The following EYS variants were observed in gnomAD, a reference collection of about 807,000 sequenced individuals.
EYS encodes the protein protein eyes shut homolog.
In EYS, 250 loss-of-function variants were observed where a neutral mutation model predicts 282.1. That is an observed-to-expected ratio of 0.89 (90% confidence interval 0.80 to 0.98). EYS has a LOEUF of 0.98. Ranked by LOEUF, EYS falls within the 50% of genes least tolerant of loss-of-function variation. EYS has a pLI of 0.00. For synonymous variants in EYS, 1,355 were observed against 1,282.9 expected (o/e 1.06, Z -1.20); for missense variants, 4,016 against 3,709.0 (o/e 1.08, Z -2.15).
chr6:64,612,643 C>T (rs615236), intron 24 of EYS, among the ~76,000 whole-genome samples: 7,323 of 152,038 alleles, frequency 0.048, 559 homozygotes, highest in African/African-American at 0.17. Flanking sequence ...CCTGAGAGTT[C>T]AGACTTTTAA....
intron 30 of EYS, among the ~76,000 whole-genome samples, chr6:64,235,161 C>T (rs1266996544): frequency 1.3e-5 from 2 of 151,160 alleles, no homozygotes; most frequent in Admixed American, 1.3e-4. Context: ...CATATGTATA[C>T]ATGTGCCATG....
intron 2 of EYS, among the ~76,000 whole-genome samples, chr6:65,535,374 G>A (rs543582581): frequency 6.6e-6 from 1 of 152,132 alleles, no homozygotes; most frequent in African/African-American, 2.4e-5. Context: ...TTCCGGTGCT[G>A]TTCTCATGGT....
chr6:64,651,363 T>G (rs1768553538), intron 22 of EYS, among the ~76,000 whole-genome samples: 1 of 152,208 alleles, frequency 6.6e-6, no homozygotes. Context: ...AAAAATTATG[T>G]TTGTTTTTGT....
intron 22 of EYS, among the ~76,000 whole-genome samples, chr6:64,696,624 A>G (rs1172537351): frequency 2.6e-5 from 4 of 152,186 alleles, no homozygotes; most frequent in Admixed American, 6.5e-5. Flanking sequence ...CTCATTGCCT[A>G]CAAAAGAAAC....
At chr6:63,827,204 T>G (rs1771492997) in intron 36 of EYS, among the ~76,000 whole-genome samples, 1 of 152,214 alleles carries the variant, frequency 6.6e-6, no homozygotes, top group Non-Finnish European at 1.5e-5. Flanking sequence ...ATAAAAGGCC[T>G]TGTCCAACAG....
At chr6:65,412,851 T>G (rs1361044473) in intron 5 of EYS, among the ~76,000 whole-genome samples, 1 of 152,198 alleles carries the variant, frequency 6.6e-6, no homozygotes, top group Non-Finnish European at 1.5e-5. Flanking sequence ...ATTTAGTTTT[T>G]CTTTTATGAG....
intron 15 of EYS, among the ~76,000 whole-genome samples, chr6:64,920,435 G>A (rs896882619): frequency 2.0e-5 from 3 of 152,106 alleles, no homozygotes; most frequent in Non-Finnish European, 4.4e-5. Context: ...TTAATGGTGT[G>A]TGTGTGTAAG....
At chr6:64,136,794 AACAG>A (rs1774175030) in intron 31 of EYS, among the ~76,000 whole-genome samples, 1 of 152,060 alleles carries the variant, frequency 6.6e-6, no homozygotes, top group Non-Finnish European at 1.5e-5. Flanking sequence ...ATTTCTAGAG[AACAG>A]ACAGAGTAGA....
intron 26 of EYS, among the ~76,000 whole-genome samples, chr6:64,535,944 T>G (rs1233368814): frequency 6.6e-6 from 1 of 152,118 alleles, no homozygotes; most frequent in Non-Finnish European, 1.5e-5. Flanking sequence ...CTTGCATTAT[T>G]ATATTAATCA....
intron 26 of EYS, among the ~76,000 whole-genome samples, chr6:64,525,880 G>A (rs1253181637): frequency 2.0e-5 from 3 of 151,544 alleles, no homozygotes; most frequent in Non-Finnish European, 3.0e-5. Flanking sequence ...TTCAAACCCA[G>A]AGAAATGAAA....
In EYS at chr6:64,123,142, C is replaced by A. The variant is rs565012806; in HGVS notation, c.6425-41140G>T. On this transcript the variant is annotated intron_variant, in intron 31 of 42. Transcript: ENST00000503581. ...GCTCTGATGCAAACCAGCATCGTTT[C>A]TTGCCAAGATTTTTGTTTGTTATCC... Among the ~76,000 whole-genome samples, 4 of 152,272 alleles carry A rather than the reference C, an allele frequency of 2.6e-5. No individual in the cohort carries two copies. The East Asian group carries it at 7.7e-4, about 29-fold the overall frequency.
chr6:64,105,124 T>A (rs1772964677), intron 31 of EYS, among the ~76,000 whole-genome samples: 1 of 151,544 alleles, frequency 6.6e-6, no homozygotes, highest in South Asian at 2.1e-4. Flanking sequence ...AAATTCAAAG[T>A]GTGAGGAAGC....
At chr6:64,919,554 A>G (rs1768273855) in intron 15 of EYS, among the ~76,000 whole-genome samples, 1 of 151,658 alleles carries the variant, frequency 6.6e-6, no homozygotes, top group Non-Finnish European at 1.5e-5. Context: ...TATTTTTTCA[A>G]AAAAATAAAT....
At chr6:64,725,728 C>T (rs564508459) in intron 22 of EYS, among the ~76,000 whole-genome samples, 1 of 151,884 alleles carries the variant, frequency 6.6e-6, no homozygotes, top group African/African-American at 2.4e-5. Flanking sequence ...ATCATTGATT[C>T]TACTTCATCC....
At chr6:63,832,721 C>T (rs568371866) in intron 36 of EYS, among the ~76,000 whole-genome samples, 2 of 152,242 alleles carry the variant, frequency 1.3e-5, no homozygotes, top group East Asian at 1.9e-4. Flanking sequence ...TTTCATGAGG[C>T]CAACATCATC....
At chr6:64,800,418 T>A (rs915074397) in intron 22 of EYS, among the ~76,000 whole-genome samples, 1 of 152,024 alleles carries the variant, frequency 6.6e-6, no homozygotes, top group South Asian at 2.1e-4. Flanking sequence ...TTTCTGAAAA[T>A]CTCTTTTAAA....
intron 26 of EYS, among the ~76,000 whole-genome samples, chr6:64,546,274 T>C (rs1277630894): frequency 2.0e-5 from 3 of 151,926 alleles, no homozygotes; most frequent in South Asian, 4.1e-4. Context: ...AATGGGGAAA[T>C]GATTCCCTAT....
chr6:65,415,086 C>A (rs1340891810), intron 5 of EYS, among the ~76,000 whole-genome samples: 2 of 151,900 alleles, frequency 1.3e-5, no homozygotes, highest in African/African-American at 2.4e-5. Context: ...AAGAATTAGA[C>A]TGAATTAATT....
At chr6:65,327,465 A>T (rs149744259) in intron 11 of EYS, among the ~76,000 whole-genome samples, 9 of 151,528 alleles carry the variant, frequency 5.9e-5, no homozygotes, top group Admixed American at 5.9e-4. Flanking sequence ...ATTTTGAAAT[A>T]TTTGTCTGCT....
Sources: gnomAD v4.1 joint callset for allele counts (sites outside exome capture counted in the v4.1 genomes callset) on GRCh38, gnomAD v4.1.1 for gene constraint, MANE v1.5 for transcripts, NCBI Gene and HGNC (gene_info 2026-07-23, HGNC 2026-07-21) for gene names.